Variants in PELI2 observed in about 807,000 individuals in gnomAD.
PELI2 encodes E3 ubiquitin-protein ligase pellino homolog 2.
A neutral mutation model predicts 42.3 loss-of-function variants in PELI2; 23 were observed. The observed-to-expected ratio is 0.54, with a 90% CI of 0.39 to 0.77. The LOEUF is 0.77. Among genes scored for constraint, PELI2 ranks in the 30% least tolerant of loss-of-function variants. The pLI, the probability that PELI2 is intolerant of heterozygous loss-of-function variation, is 0.00. For missense variants in PELI2, 463 were observed against 553.2 expected, an observed-to-expected ratio of 0.84 and a Z score of 1.64; for synonymous variants, 245 against 212.2, an observed-to-expected ratio of 1.15 and a Z score of -1.34.
intron 2 of PELI2, among the ~76,000 whole-genome samples, chr14:56,214,167 T>C (rs1401906149): frequency 6.6e-6 from 1 of 152,150 alleles, no homozygotes; most frequent in Non-Finnish European, 1.5e-5. Context: ...TGGTTGTTTT[T>C]AAAGACTCAT....
intron 2 of PELI2, among the ~76,000 whole-genome samples, chr14:56,226,569 A>G (rs546891864): frequency 1.8e-4 from 28 of 152,312 alleles, no homozygotes; most frequent in Non-Finnish European, 3.1e-4. Context: ...AATTGTATTG[A>G]TGGGCATGTG....
At chr14:56,135,234 T>A (rs959431079) in intron 1 of PELI2, among the ~76,000 whole-genome samples, 2 of 152,298 alleles carry the variant, frequency 1.3e-5, no homozygotes, top group Admixed American at 1.3e-4. Context: ...TGCTGCTCAG[T>A]GTGTGTGCAC....
chr14:56,270,033 G>A (rs975174025), intron 2 of PELI2, among the ~76,000 whole-genome samples: 5 of 152,180 alleles, frequency 3.3e-5, no homozygotes, highest in African/African-American at 1.2e-4. Context: ...TTTCTCTGGT[G>A]TCTGTGCTTG....
intron 1 of PELI2, among the ~76,000 whole-genome samples, chr14:56,166,921 A>G (rs1004084827): frequency 1.5e-4 from 23 of 151,960 alleles, no homozygotes; most frequent in Non-Finnish European, 3.2e-4. Context: ...CTGAGTAGCT[A>G]GGACTACAGG....
At chr14:56,159,205 T>C (rs1884670761) in intron 1 of PELI2, among the ~76,000 whole-genome samples, 1 of 152,208 alleles carries the variant, frequency 6.6e-6, no homozygotes, top group Non-Finnish European at 1.5e-5. Context: ...GTTTGCTCTC[T>C]CGACTCCGTG....
intron 1 of PELI2, among the ~76,000 whole-genome samples, chr14:56,175,734 T>C (rs1034421547): frequency 2.0e-5 from 3 of 152,262 alleles, no homozygotes; most frequent in East Asian, 1.9e-4. Flanking sequence ...TTGACACTTC[T>C]GGTTTTTTTC....
Position 56,228,773 on chromosome 14 carries a change from C to T in PELI2, c.207+50309C>T, listed in dbSNP as rs530047335. ...CTTGTTGGACAGTGGGTGCAGCCCACGGAGTGTGAGCTGAGGCAGGGTGGG... is the reference window on the plus strand; with the variant it reads ...CTTGTTGGACAGTGGGTGCAGCCCATGGAGTGTGAGCTGAGGCAGGGTGGG... On this transcript the variant is annotated intron_variant, in intron 2 of 5. Transcript: ENST00000267460. Among the ~76,000 whole-genome samples the T allele has an allele frequency of 2.3e-4, 35 of 152,264 alleles. No individual in the cohort carries two copies. In the South Asian group the frequency reaches 7.0e-3, roughly 31 times the overall value.
At chr14:56,134,558 G>A (rs150627022) in intron 1 of PELI2, among the ~76,000 whole-genome samples, 1 of 151,994 alleles carries the variant, frequency 6.6e-6, no homozygotes, top group Non-Finnish European at 1.5e-5. Context: ...GATATTTGCT[G>A]TTCAGCCAAT....
At chr14:56,146,188 G>T (rs1309872572) in intron 1 of PELI2, among the ~76,000 whole-genome samples, 1 of 152,130 alleles carries the variant, frequency 6.6e-6, no homozygotes, top group Non-Finnish European at 1.5e-5. Context: ...TGGTTCTTGT[G>T]GAGTGCAGTA....
At chr14:56,120,607 G>C (rs762507709) in intron 1 of PELI2, among the ~76,000 whole-genome samples, 6 of 152,194 alleles carry the variant, frequency 3.9e-5, no homozygotes, top group Non-Finnish European at 8.8e-5. Flanking sequence ...CTCAACCGTC[G>C]TTTGTGTACC....
intron 2 of PELI2, among the ~76,000 whole-genome samples, chr14:56,232,137 A>T (rs1162655534): frequency 6.6e-6 from 1 of 152,186 alleles, no homozygotes; most frequent in African/African-American, 2.4e-5. Flanking sequence ...AACCAAAAAA[A>T]GTCCAGGACC....
At chr14:56,269,786 T>C (rs759832235) in intron 2 of PELI2, among the ~76,000 whole-genome samples, 7 of 152,214 alleles carry the variant, frequency 4.6e-5, no homozygotes, top group Non-Finnish European at 7.3e-5. Flanking sequence ...ACTGGAGTTC[T>C]TACCCTCAAG....
chr14:56,170,306 C>G (rs1885120108), intron 1 of PELI2, among the ~76,000 whole-genome samples: 1 of 152,178 alleles, frequency 6.6e-6, no homozygotes, highest in African/African-American at 2.4e-5. Context: ...AGAGTTCAGG[C>G]TAGTTAAGAT....
In PELI2 at chr14:56,298,683, C is replaced by A. The variant is rs1205908523; in HGVS notation, c.*1517C>A. ...TTTTGCCTATTTTCAGTCGTTCTAACCTATTTGAATACGCTTTTCCTTAAA... is the reference window on the plus strand; with the variant it reads ...TTTTGCCTATTTTCAGTCGTTCTAAACTATTTGAATACGCTTTTCCTTAAA... On this transcript the variant is annotated 3_prime_UTR_variant, in exon 6 of 6. Transcript: ENST00000267460. The A allele has an allele frequency of 6.6e-6, 1 of 152,558 alleles. No individual in the cohort carries two copies. The highest frequency in any genetic ancestry group is 1.5e-5 in the Non-Finnish European group (1 of 68,042). The allele number at this position is 152,558 out of a possible 1,614,324, so 9.5% of individuals were successfully genotyped here.
In PELI2 at chr14:56,288,729, G is replaced by A. The variant is rs1401669417; in HGVS notation, c.507+95G>A. On this transcript the variant is annotated intron_variant, in intron 4 of 5. Transcript: ENST00000267460. This position sits in a 1 kb window ranked among gnomAD's most constrained non-coding sequence, Gnocchi z 4.6. ...GAGCAAAAAAAAATTGGCTTTGTAT[G>A]TTGCCTCTAGTGAGATTTTGAGATT... 3 of 878,468 alleles carry A rather than the reference G, an allele frequency of 3.4e-6. No homozygotes were observed. The highest frequency in any genetic ancestry group is 3.4e-5 in the African/African-American group (2 of 59,270). The allele number at this position is 878,468 out of a possible 1,614,324, so 54.4% of individuals were successfully genotyped here.
At chr14:56,270,481 G>T (rs1244456819) in intron 2 of PELI2, among the ~76,000 whole-genome samples, 1 of 152,148 alleles carries the variant, frequency 6.6e-6, no homozygotes, top group Non-Finnish European at 1.5e-5. Context: ...GACTGATTGA[G>T]GATTTATTGC....
At chr14:56,293,744 C>T (rs1220855819) in intron 5 of PELI2, among the ~76,000 whole-genome samples, 2 of 152,198 alleles carry the variant, frequency 1.3e-5, no homozygotes, top group Admixed American at 1.3e-4. Context: ...ACTTTCCCTC[C>T]ACAGGACACC....
intron 2 of PELI2, among the ~76,000 whole-genome samples, chr14:56,206,001 A>G (rs1244212325): frequency 6.6e-6 from 1 of 151,986 alleles, no homozygotes; most frequent in East Asian, 1.9e-4. Flanking sequence ...ACTACAGATA[A>G]CCTACCAAAT....
At chr14:56,264,855 A>G (rs1888840368) in intron 2 of PELI2, among the ~76,000 whole-genome samples, 1 of 152,230 alleles carries the variant, frequency 6.6e-6, no homozygotes, top group Admixed American at 6.5e-5. Flanking sequence ...GTGGCTCAGT[A>G]TTCGGTAAAT....
Sources: gnomAD v4.1 joint callset for allele counts (sites outside exome capture counted in the v4.1 genomes callset) on GRCh38, gnomAD v4.1.1 for gene constraint, Gnocchi (gnomAD v3.1) non-coding constraint, MANE v1.5 for transcripts, NCBI Gene and HGNC (gene_info 2026-07-23, HGNC 2026-07-21) for gene names.